RIMS2: variants seen among roughly 807,000 people sequenced by gnomAD.
RIMS2 encodes the protein regulating synaptic membrane exocytosis 2, also known as regulating synaptic membrane exocytosis protein 2.
Under a neutral mutation model 174.4 loss-of-function variants are expected in RIMS2, and 59 were observed. The ratio of observed to expected loss-of-function variants is 0.34; its 90% CI spans 0.27 to 0.42. The LOEUF is 0.42. RIMS2 is among the 10% of genes least tolerant of loss of function. RIMS2 has a pLI of 1.00. For synonymous variants in RIMS2, 606 were observed against 572.5 expected, an observed-to-expected ratio of 1.06 and a Z score of -0.84; for missense variants, 1,620 against 1,666.3, an observed-to-expected ratio of 0.97 and a Z score of 0.48.
chr8:103,544,407 C>G (rs1843990671), intron 1 of RIMS2, among the ~76,000 whole-genome samples: 2 of 152,186 alleles, frequency 1.3e-5, no homozygotes, highest in African/African-American at 2.4e-5. Context: ...CCCACCTCCA[C>G]TGCTGGTAGC....
At chr8:104,124,517 G>T (rs2098412924) in intron 19 of RIMS2, among the ~76,000 whole-genome samples, 1 of 152,058 alleles carries the variant, frequency 6.6e-6, no homozygotes, top group Non-Finnish European at 1.5e-5. Flanking sequence ...AATCGCCAGA[G>T]AAATCTCAAA....
chr8:104,103,561 T>C (rs968931221), intron 19 of RIMS2, among the ~76,000 whole-genome samples: 7 of 152,176 alleles, frequency 4.6e-5, no homozygotes, highest in Non-Finnish European at 7.3e-5. Flanking sequence ...ATACTCCTTC[T>C]GAGCCACCTT....
At chr8:103,552,663 A>T (rs1848556746) in intron 1 of RIMS2, among the ~76,000 whole-genome samples, 1 of 152,268 alleles carries the variant, frequency 6.6e-6, no homozygotes, top group Non-Finnish European at 1.5e-5. Context: ...CAGGCAACCT[A>T]CAGAATGGGA....
At chr8:103,948,963 A>C (rs1049874247) in intron 14 of RIMS2, among the ~76,000 whole-genome samples, 10 of 72,474 alleles carry the variant, frequency 1.4e-4, no homozygotes, top group African/African-American at 6.8e-4. Context: ...CCATTTTTAC[A>C]AAAAAAAAAA....
chr8:103,913,284 A>T (rs1302451912), intron 6 of RIMS2, among the ~76,000 whole-genome samples: 1 of 151,754 alleles, frequency 6.6e-6, no homozygotes, highest in Non-Finnish European at 1.5e-5. Flanking sequence ...AGCCCAAAAA[A>T]TTTTAAATTA....
At chr8:103,641,615 G>C (rs955944651) in intron 1 of RIMS2, among the ~76,000 whole-genome samples, 5 of 152,034 alleles carry the variant, frequency 3.3e-5, no homozygotes, top group East Asian at 3.9e-4. Context: ...TTGGGAAGTA[G>C]AGCCTAATGT....
chr8:103,720,612 T>G (rs1162557511), intron 2 of RIMS2, among the ~76,000 whole-genome samples: 1 of 152,208 alleles, frequency 6.6e-6, no homozygotes, highest in East Asian at 1.9e-4. Flanking sequence ...TCCTATTGTA[T>G]TGTAAACCTG....
At chr8:103,562,686 G>A (rs775589331) in intron 1 of RIMS2, among the ~76,000 whole-genome samples, 6 of 152,132 alleles carry the variant, frequency 3.9e-5, no homozygotes, top group African/African-American at 7.2e-5. Context: ...TCCACTAGGC[G>A]GTGCCTCAAT....
chr8:103,994,001 A>G (rs561917043), intron 17 of RIMS2, among the ~76,000 whole-genome samples: 1 of 149,888 alleles, frequency 6.7e-6, no homozygotes, highest in Non-Finnish European at 1.5e-5. Flanking sequence ...CAGTGAGCTG[A>G]GATCGCACCA....
chr8:103,586,288 G>A (rs1256726951), intron 1 of RIMS2, among the ~76,000 whole-genome samples: 1 of 152,124 alleles, frequency 6.6e-6, no homozygotes, highest in Non-Finnish European at 1.5e-5. Flanking sequence ...AATAGCTGCA[G>A]AATACACATT....
chr8:103,594,181 G>T (rs1039847698), intron 1 of RIMS2, among the ~76,000 whole-genome samples: 12 of 151,536 alleles, frequency 7.9e-5, no homozygotes, highest in Non-Finnish European at 1.6e-4. Flanking sequence ...CAACAAAGAG[G>T]CACTGCCTTT....
chr8:104,057,843 T>A (rs990532887), intron 19 of RIMS2, among the ~76,000 whole-genome samples: 4 of 151,210 alleles, frequency 2.6e-5, no homozygotes, highest in Admixed American at 6.6e-5. Context: ...CTTGCGATAG[T>A]TTACTGAGAA....
chr8:104,229,048 C>T (rs59496995), intron 19 of RIMS2, among the ~76,000 whole-genome samples: 1,938 of 152,138 alleles, frequency 0.013, 30 homozygotes, highest in African/African-American at 0.042. Context: ...CTGAGTTCTA[C>T]AAAGGAAAAA....
intron 3 of RIMS2, among the ~76,000 whole-genome samples, chr8:103,795,010 T>A (rs1002989930): frequency 2.0e-5 from 3 of 152,206 alleles, no homozygotes; most frequent in African/African-American, 4.8e-5. Flanking sequence ...GTTCAACCAT[T>A]GTGGAAGTCA....
At chr8:104,175,118 C>A (rs538083910) in intron 19 of RIMS2, among the ~76,000 whole-genome samples, 3 of 152,238 alleles carry the variant, frequency 2.0e-5, no homozygotes, top group African/African-American at 7.2e-5. Flanking sequence ...GTACATACAC[C>A]AAGTGCACCT....
intron 19 of RIMS2, among the ~76,000 whole-genome samples, chr8:104,200,744 G>GA (rs1484942314): frequency 1.3e-5 from 2 of 151,982 alleles, no homozygotes; most frequent in South Asian, 2.1e-4. Context: ...AATCTCTACA[G>GA]AAAAAACACA....
At chr8:103,773,782 C>A (rs1250169096) in intron 3 of RIMS2, among the ~76,000 whole-genome samples, 1 of 151,986 alleles carries the variant, frequency 6.6e-6, no homozygotes, top group Admixed American at 6.6e-5. Flanking sequence ...CACTAGAAAT[C>A]CTACGATTTA....
In RIMS2 at chr8:103,565,791, T is replaced by C. The variant is rs367735676; in HGVS notation, c.176+64729T>C. The stretch of plus-strand genomic sequence containing the variant: ...AGGCCTCTGAACACTGGTGAGACCT[T>C]GACCCCAGCCACTGTCCCGGTTCTT... On this transcript the variant is annotated intron_variant, in intron 1 of 23. Transcript: ENST00000504942. 7.9e-5 allele frequency among the ~76,000 whole-genome samples: 12 copies of C among 152,284 alleles called. No homozygotes were observed. In the East Asian group the frequency reaches 1.9e-3, roughly 25 times the overall value.
chr8:103,963,376 A>C (rs1469615122), intron 15 of RIMS2, among the ~76,000 whole-genome samples: 1 of 152,200 alleles, frequency 6.6e-6, no homozygotes, highest in Non-Finnish European at 1.5e-5. Context: ...ACATTGAATA[A>C]AGTCAAATTC....
Sources: gnomAD v4.1 joint callset for allele counts (sites outside exome capture counted in the v4.1 genomes callset) on GRCh38, gnomAD v4.1.1 for gene constraint, MANE v1.5 for transcripts, NCBI Gene and HGNC (gene_info 2026-07-23, HGNC 2026-07-21) for gene names.